The following COL5A2 variants were observed in gnomAD, a reference collection of about 807,000 sequenced individuals.
COL5A2 encodes the protein collagen type V alpha 2 chain, also known as collagen alpha-2(V) chain.
A neutral mutation model predicts 208.2 loss-of-function variants in COL5A2; 23 were observed. The observed-to-expected ratio is 0.11, with a 90% CI of 0.08 to 0.16. The LOEUF (loss-of-function observed/expected upper bound fraction) is 0.16. Ranked by LOEUF, COL5A2 falls within the 10% of genes least tolerant of loss-of-function variation. COL5A2 has a pLI of 1.00. For missense variants in COL5A2, 1,590 were observed against 1,956.4 expected, an observed-to-expected ratio of 0.81 and a Z score of 3.53; for synonymous variants, 625 against 628.5, an observed-to-expected ratio of 0.99 and a Z score of 0.08.
chr2:189,382,985 C>T, the COL5A2 span, among the ~76,000 whole-genome samples: 17 of 152,028 alleles, frequency 1.1e-4, no homozygotes, highest in Non-Finnish European at 2.2e-4. Context: ...TATATTATCA[C>T]AAGGGTAGGG....
At chr2:189,425,836 A>G in the COL5A2 span, among the ~76,000 whole-genome samples, 23 of 152,216 alleles carry the variant, frequency 1.5e-4, 1 homozygote, top group East Asian at 4.5e-3. Context: ...TGCTCCTGCC[A>G]TGTAAGATGC....
chr2:189,039,069 A>T (rs1685502738), intron 51 of COL5A2, among the ~76,000 whole-genome samples: 2 of 152,090 alleles, frequency 1.3e-5, no homozygotes, highest in African/African-American at 4.8e-5. Context: ...CATTTCTCTA[A>T]TAATTAGTGA....
At chr2:189,210,740 G>A (rs989111458) in intron 1 of COL5A2, among the ~76,000 whole-genome samples, 1 of 152,152 alleles carries the variant, frequency 6.6e-6, no homozygotes, top group Non-Finnish European at 1.5e-5. Flanking sequence ...AGCATCATCT[G>A]GTCTTTATAA....
intron 1 of COL5A2, among the ~76,000 whole-genome samples, chr2:189,117,517 C>G (rs577042108): frequency 1.5e-4 from 23 of 152,210 alleles, no homozygotes; most frequent in African/African-American, 5.5e-4. Flanking sequence ...CCTAATATTG[C>G]TTGAGATCAA....
At chr2:189,266,226 G>C in the COL5A2 span, among the ~76,000 whole-genome samples, 9 of 152,110 alleles carry the variant, frequency 5.9e-5, no homozygotes, top group Non-Finnish European at 1.5e-5. Context: ...AGGAATTAGA[G>C]ACCAGCCTGA....
the COL5A2 span, among the ~76,000 whole-genome samples, chr2:189,365,720 T>C: frequency 1.3e-5 from 2 of 152,200 alleles, no homozygotes; most frequent in African/African-American, 2.4e-5. Flanking sequence ...GAACATGTCA[T>C]TTAAAGTTCA....
At chr2:189,241,005 C>T in the COL5A2 span, among the ~76,000 whole-genome samples, 119 of 152,226 alleles carry the variant, frequency 7.8e-4, no homozygotes, top group Middle Eastern at 3.4e-3. Flanking sequence ...AATCTAATCA[C>T]GTATTATTTT....
At chr2:189,120,258 T>C (rs1177988325) in intron 1 of COL5A2, among the ~76,000 whole-genome samples, 5 of 152,162 alleles carry the variant, frequency 3.3e-5, no homozygotes, top group Non-Finnish European at 5.9e-5. Context: ...TTTGCTCATA[T>C]GTGTATTTCA....
chr2:189,320,328 T>C, the COL5A2 span, among the ~76,000 whole-genome samples: 6 of 152,302 alleles, frequency 3.9e-5, no homozygotes, highest in East Asian at 7.7e-4. Flanking sequence ...ATGACTTTGA[T>C]GAGTTGAGAG....
intron 1 of COL5A2, 61 bp downstream of exon 1, chr2:189,179,447 A>G: frequency 6.4e-7 from 1 of 1,562,670 alleles, no homozygotes. Flanking sequence ...GAGGCTTAAC[A>G]TTCCACCTAT....
chr2:189,204,416 AG>A (rs1689118750), intron 1 of COL5A2, among the ~76,000 whole-genome samples: 1 of 152,210 alleles, frequency 6.6e-6, no homozygotes, highest in African/African-American at 2.4e-5. Context: ...CAAAATTTTA[AG>A]GACTTCTTTC....
chr2:189,144,933 T>C (rs1688009464), intron 1 of COL5A2, among the ~76,000 whole-genome samples: 1 of 152,140 alleles, frequency 6.6e-6, no homozygotes, highest in Admixed American at 6.6e-5. Flanking sequence ...TTTCATCATC[T>C]CCTGGAATAC....
the COL5A2 span, among the ~76,000 whole-genome samples, chr2:189,295,997 C>T: frequency 6.6e-6 from 1 of 151,966 alleles, no homozygotes; most frequent in Non-Finnish European, 1.5e-5. Context: ...CCAGGATTTA[C>T]AGGTTTCTGA....
At chr2:189,360,935 C>A in the COL5A2 span, among the ~76,000 whole-genome samples, 1 of 150,776 alleles carries the variant, frequency 6.6e-6, no homozygotes, top group African/African-American at 2.4e-5. Flanking sequence ...CAAGTCCCTG[C>A]AAAGGACATG....
the COL5A2 span, among the ~76,000 whole-genome samples, chr2:189,305,525 T>C: frequency 2.0e-5 from 3 of 152,190 alleles, no homozygotes; most frequent in South Asian, 4.1e-4. Context: ...CCTCACCAGA[T>C]ACCAAACCTG....
chr2:189,215,890 T>C (rs75052506), intron 1 of COL5A2, among the ~76,000 whole-genome samples: 2,050 of 152,226 alleles, frequency 0.013, 55 homozygotes, highest in African/African-American at 0.046. Context: ...GTAGGAAAGC[T>C]CCCAAAATTC....
At chr2:189,066,674 G>T in intron 22 of COL5A2, 55 bp downstream of exon 22, 1 of 1,457,790 alleles carries the variant, frequency 6.9e-7, no homozygotes, top group Non-Finnish European at 9.6e-7. Flanking sequence ...ATTTTGAGCT[G>T]TACACTTCCA....
chr2:189,412,977 C>T, the COL5A2 span, among the ~76,000 whole-genome samples: 1 of 152,086 alleles, frequency 6.6e-6, no homozygotes, highest in African/African-American at 2.4e-5. Context: ...AGTTGTATGG[C>T]TGTTAGAAGA....
chr2:189,110,312 C>T lies in COL5A2; in HGVS notation c.235G>A (p.Val79Met), dbSNP rs1181992113. ...ILCDKIECQDVLDCADPVTPP... is the reference protein window; with the variant it reads ...ILCDKIECQDMLDCADPVTPP... ...GTTACAGGGTCGGCACAGTCCAGCA[C>T]ATCCTGGCATTCTATCTTGTCACAG... Residue 79 changes from valine to methionine, a missense_variant, in exon 2 of 54, where the codon GTG (valine) becomes ATG (methionine). Coordinates refer to ENST00000374866, the MANE Select transcript of COL5A2 (RefSeq NM_000393.5). 6 of 1,614,016 alleles carry T rather than the reference C, an allele frequency of 3.7e-6. No individual in the cohort carries two copies. The highest frequency in any genetic ancestry group is 4.2e-6 in the Non-Finnish European group (5 of 1,180,022).
Sources: allele counts gnomAD v4.1 joint callset (sites outside exome capture counted in the v4.1 genomes callset), GRCh38; gene constraint gnomAD v4.1.1; transcripts MANE v1.5; gene names NCBI Gene and HGNC (gene_info 2026-07-23, HGNC 2026-07-21).